The following SPG7 variants were observed in gnomAD, a reference collection of about 807,000 sequenced individuals.
SPG7 encodes mitochondrial inner membrane m-AAA protease component paraplegin.
In SPG7, 103 loss-of-function variants were observed where a neutral mutation model predicts 81.9. The ratio of observed to expected loss-of-function variants is 1.26; its 90% CI spans 1.07 to 1.48. SPG7 has a LOEUF of 1.48. SPG7 is among the 40% of genes most tolerant of loss of function. SPG7 has a pLI of 0.00. For missense variants in SPG7, 1,241 were observed against 1,087.3 expected, an observed-to-expected ratio of 1.14 and a Z score of -1.99; for synonymous variants, 534 against 444.2, an observed-to-expected ratio of 1.20 and a Z score of -2.54.
rs940080409 is a variant in SPG7 at position 89,553,236 on chromosome 16, T to C, written c.1936+101T>C. 3.4e-5 allele frequency: 40 copies of C among 1,171,026 alleles called. No individual in the cohort carries two copies. In the African/African-American group the frequency reaches 5.6e-4, roughly 17 times the overall value. 72.5% of individuals were successfully genotyped at this position (1,171,026 alleles called of 1,614,324 possible). On this transcript the variant is annotated intron_variant, in intron 14 of 16. Coordinates refer to ENST00000645818, the MANE Select transcript of SPG7 (RefSeq NM_003119.4). ...CCATGGGGTGAATCTGGTGTAGACG[T>C]AGCTTTGAATTTATTAAGTATTTTG...
chr16:89,529,303 A>T (rs929877174), intron 5 of SPG7, 174 bp from the exon 6 acceptor site: 3 of 652,940 alleles, frequency 4.6e-6, no homozygotes, highest in Non-Finnish European at 8.4e-6. Context: ...ACAGTCAGCG[A>T]GAATGAGACG....
At chr16:89,523,617 T>A (rs2058220354) in intron 3 of SPG7, 8 of 445,362 alleles carry the variant, frequency 1.8e-5, no homozygotes, top group South Asian at 1.3e-4. Flanking sequence ...GGTCGTTCTC[T>A]GTCACCCAGG....
intron 16 of SPG7, chr16:89,554,933 T>G (rs1408364866): frequency 3.6e-6 from 1 of 279,218 alleles, no homozygotes; most frequent in Non-Finnish European, 7.0e-6. Context: ...TTTTTTTTTT[T>G]GAGACAAAGT....
chr16:89,553,521 T>C (rs991671389), intron 14 of SPG7: 25 of 548,532 alleles, frequency 4.6e-5, no homozygotes, highest in African/African-American at 4.2e-4. Flanking sequence ...CGCATAGGCC[T>C]GGGCTTGTGC....
At chr16:89,529,204 A>C in intron 5 of SPG7, 1 of 514,800 alleles carries the variant, frequency 1.9e-6, no homozygotes, top group Non-Finnish European at 3.5e-6. Context: ...AAATAGAAAA[A>C]CCTGAACGTT....
intron 11 of SPG7, 75 bp downstream of exon 11, chr16:89,546,835 AGGCCTCCTCTGTGGGGTG>A: frequency 1.0e-6 from 1 of 963,096 alleles, no homozygotes; most frequent in Non-Finnish European, 1.7e-6. Context: ...AACAGCATCG[AGGCCTCCTCTGTGGGGTG>A]GGCGCTGCTC....
intron 9 of SPG7, chr16:89,533,760 A>G (rs2058376780): frequency 6.6e-6 from 1 of 152,144 alleles, no homozygotes; most frequent in Non-Finnish European, 1.5e-5. Flanking sequence ...AGCTGACCCA[A>G]TAAAGGTGAC....
At chr16:89,537,571 G>T (rs779076259) in intron 9 of SPG7, 3 of 985,370 alleles carry the variant, frequency 3.0e-6, no homozygotes, top group Non-Finnish European at 3.6e-6. Flanking sequence ...TCGTTCTGTC[G>T]CCCAGGCTGG....
rs750951961 is a variant in SPG7, at chr16:89,553,977, C to T, written c.2103+17C>T. Reference sequence around the variant, plus strand: ...ATGGACCATGTGAGTCGGCTCTGGCCACACCGCTGCCCTCTGTGCTCCCCG... The same window carrying T: ...ATGGACCATGTGAGTCGGCTCTGGCTACACCGCTGCCCTCTGTGCTCCCCG... On this transcript the variant is annotated intron_variant, in intron 15 of 16. Transcript: ENST00000645818. 1 of 1,609,070 alleles carries T rather than the reference C, an allele frequency of 6.2e-7. No individual in the cohort carries two copies. The highest frequency in any genetic ancestry group is 1.1e-5 in the South Asian group (1 of 90,994).
In SPG7 at chr16:89,531,941, C is replaced by G; in HGVS notation, c.1025C>G (p.Pro342Arg). ...ERFLQLGAKV[P>R]KGALLLGPPG... ...TTCCTCCAGCTTGGCGCCAAGGTCC[C>G]AAAGGGCGCACTGCTGCTCGGCCCC... The change falls in exon 8 of 17, where the codon CCA (proline) becomes CGA (arginine). Residue 342 changes from proline (P) to arginine (R), a missense_variant. By Grantham distance (103) the Pro-to-Arg change is moderately radical. Transcript: ENST00000645818. The G allele has an allele frequency of 6.2e-7, 1 of 1,614,144 alleles. No homozygotes were observed. Among genetic ancestry groups the G allele is most frequent in the Middle Eastern group, 1.7e-4 (1 of 6,060 alleles).
intron 16 of SPG7, 119 bp downstream of exon 16, chr16:89,554,682 C>A (rs1397320405): frequency 1.4e-6 from 1 of 724,576 alleles, no homozygotes; most frequent in East Asian, 2.7e-5. Context: ...AACACTCTGA[C>A]CGATGTGAAT....
chr16:89,546,361 A>C (rs1327068060), intron 10 of SPG7: 1 of 381,568 alleles, frequency 2.6e-6, no homozygotes, highest in Non-Finnish European at 5.1e-6. Flanking sequence ...CCGGCCATCC[A>C]ACAGTGTTCT....
At chr16:89,546,781 C>T (rs2058570041) in intron 11 of SPG7, 21 bp downstream of exon 11, 1 of 1,548,902 alleles carries the variant, frequency 6.5e-7, no homozygotes, top group East Asian at 2.2e-5. Context: ...AACCCGCAGC[C>T]TGGGCAGCGT....
chr16:89,520,124 C>T (rs982242336), intron 3 of SPG7: 1 of 152,522 alleles, frequency 6.6e-6, no homozygotes, highest in Non-Finnish European at 1.5e-5. Flanking sequence ...GGTCACACCC[C>T]AGTTCTGTGT....
chr16:89,514,191 C>T (rs771574197), intron 3 of SPG7, among the ~76,000 whole-genome samples: 1 of 151,894 alleles, frequency 6.6e-6, no homozygotes, highest in African/African-American at 2.4e-5. Context: ...TCAATGCTTA[C>T]AGCCACTCAG....
At chr16:89,538,451 C>T in intron 9 of SPG7, 1 of 152,498 alleles carries the variant, frequency 6.6e-6, no homozygotes. Flanking sequence ...GCTCCGCAGG[C>T]AGGGAGGGGC....
intron 12 of SPG7, chr16:89,549,377 T>C (rs1008773417): frequency 3.4e-5 from 13 of 379,078 alleles, no homozygotes; most frequent in Non-Finnish European, 6.3e-5. Context: ...CATTTGTCCC[T>C]GGCTGGGCAC....
chr16:89,529,058 C>T (rs1356249506), intron 5 of SPG7: 10 of 278,518 alleles, frequency 3.6e-5, no homozygotes, highest in Non-Finnish European at 4.9e-5. Context: ...GTGATTCACC[C>T]GCCACGGCCT....
In SPG7 at chr16:89,537,147, T is replaced by C. The variant is rs578185851; in HGVS notation, c.1324+4511T>C. 1,869 of 1,459,622 alleles carry C rather than the reference T, an allele frequency of 1.3e-3. 1 individual carries two copies. The highest frequency in any genetic ancestry group is 1.6e-3 in the Non-Finnish European group (1,804 of 1,111,410). The allele number at this position is 1,459,622 out of a possible 1,614,324, so 90.4% of individuals were successfully genotyped here. A position where few individuals can be genotyped will look rare whatever the true frequency, so the allele number is the denominator to read the frequency against. ...CCTGCCGAGGTCCCAGGCCAGGCTTTGTTGCTTCCGTTCATGGAAGCGCAC... is the reference window on the plus strand; with the variant it reads ...CCTGCCGAGGTCCCAGGCCAGGCTTCGTTGCTTCCGTTCATGGAAGCGCAC... On this transcript the variant is annotated intron_variant, in intron 9 of 16. Coordinates refer to ENST00000645818, the MANE Select transcript of SPG7 (RefSeq NM_003119.4).
Sources: allele counts gnomAD v4.1 joint callset (sites outside exome capture counted in the v4.1 genomes callset), GRCh38; gene constraint gnomAD v4.1.1; transcripts MANE v1.5; gene names NCBI Gene and HGNC (gene_info 2026-07-23, HGNC 2026-07-21).